TPD52: variants seen among roughly 807,000 people sequenced by gnomAD.
TPD52 encodes prostate and colon associated protein.
A neutral mutation model predicts 31.3 loss-of-function variants in TPD52; 17 were observed. The ratio of observed to expected loss-of-function variants is 0.54; its 90% confidence interval spans 0.37 to 0.82. The LOEUF (loss-of-function observed/expected upper bound fraction) is 0.82, where lower values mean the gene tolerates loss of function less well. Ranked by LOEUF, TPD52 falls within the 40% of genes least tolerant of loss-of-function variation. The pLI, the probability that TPD52 is intolerant of heterozygous loss-of-function variation, is 0.00. For missense variants in TPD52, 212 were observed against 240.1 expected (o/e 0.88, Z 0.77); for synonymous variants, 83 against 89.6 (o/e 0.93, Z 0.42).
intron 2 of TPD52, among the ~76,000 whole-genome samples, chr8:80,059,478 G>T (rs1394396192): frequency 6.6e-6 from 1 of 152,040 alleles, no homozygotes; most frequent in Non-Finnish European, 1.5e-5. Context: ...AGATAAAATG[G>T]ACAAGAGGAA....
intron 1 of TPD52, among the ~76,000 whole-genome samples, chr8:80,154,305 C>G (rs62516126): frequency 2.6e-5 from 4 of 152,036 alleles, no homozygotes; most frequent in Non-Finnish European, 5.9e-5. Context: ...GTGGAAGAGG[C>G]AGGCCCAGCC....
At chr8:80,058,430 T>A (rs1305146462) in intron 2 of TPD52, among the ~76,000 whole-genome samples, 1 of 152,228 alleles carries the variant, frequency 6.6e-6, no homozygotes, top group African/African-American at 2.4e-5. Flanking sequence ...CACAAGAGTA[T>A]ATTGGCATAA....
At chr8:80,047,793 C>T (rs1811012104) in intron 5 of TPD52, among the ~76,000 whole-genome samples, 1 of 152,046 alleles carries the variant, frequency 6.6e-6, no homozygotes. Context: ...TTAATGAGCC[C>T]AAACCAAATA....
intron 1 of TPD52, among the ~76,000 whole-genome samples, chr8:80,144,005 T>C (rs1174353966): frequency 1.3e-5 from 2 of 152,174 alleles, no homozygotes; most frequent in African/African-American, 4.8e-5. Context: ...TACTCTAAAA[T>C]TTAAATTTTT....
intron 7 of TPD52, among the ~76,000 whole-genome samples, chr8:80,040,189 T>C (rs1810243401): frequency 7.5e-6 from 1 of 133,278 alleles, no homozygotes; most frequent in African/African-American, 2.9e-5. Flanking sequence ...GCTATCCTTT[T>C]TTTTTTTTTT....
At chr8:80,071,921 C>T (rs1038348049) in intron 1 of TPD52, among the ~76,000 whole-genome samples, 7 of 152,184 alleles carry the variant, frequency 4.6e-5, no homozygotes, top group African/African-American at 7.2e-5. Flanking sequence ...CTCCCCAGCA[C>T]CTGCCCCATC....
In TPD52 at chr8:80,162,953, C is replaced by CAA. The variant is rs201782935; in HGVS notation, c.19+8470_19+8471dup. Among the ~76,000 whole-genome samples, 867 of 127,530 alleles carry CAA rather than the reference C, an allele frequency of 6.8e-3. 11 individuals are homozygous for CAA. Among genetic ancestry groups the CAA allele is most frequent in the African/African-American group, 0.022 (824 of 37,782 alleles). The allele number at this position is 127,530 out of a possible 152,430, so 83.7% of individuals were successfully genotyped here. ...AACACAACAAAACAAAACAAACAAA[C>CAA]AAACAAAAAAAACGGGAAATAACGA... is the stretch of plus-strand genomic sequence containing the variant. On this transcript the variant is annotated intron_variant, in intron 1 of 7. Coordinates refer to ENST00000518937, the MANE Select transcript of TPD52 (RefSeq NM_001025253.3).
intron 2 of TPD52, among the ~76,000 whole-genome samples, chr8:80,053,838 T>C (rs897040033): frequency 6.6e-5 from 10 of 152,212 alleles, no homozygotes; most frequent in Admixed American, 2.0e-4. Context: ...AAAACTTGTA[T>C]TTGTATACTA....
At chr8:80,143,711 G>A (rs891871432) in intron 1 of TPD52, among the ~76,000 whole-genome samples, 1 of 152,080 alleles carries the variant, frequency 6.6e-6, no homozygotes. Flanking sequence ...CTAGAACTTA[G>A]TATCACATAA....
downstream of TPD52, among the ~76,000 whole-genome samples, chr8:80,031,524 G>C (rs1809692639): frequency 6.6e-6 from 1 of 152,162 alleles, no homozygotes; most frequent in African/African-American, 2.4e-5. Flanking sequence ...TCAGGAGAAA[G>C]TGTGGTAAAT....
chr8:80,152,019 T>G (rs748951318), intron 1 of TPD52, among the ~76,000 whole-genome samples: 1 of 152,186 alleles, frequency 6.6e-6, no homozygotes, highest in Non-Finnish European at 1.5e-5. Context: ...GCTTTCAATA[T>G]AAACAAGAGC....
chr8:80,149,142 T>C (rs925568870), intron 1 of TPD52, among the ~76,000 whole-genome samples: 6 of 152,340 alleles, frequency 3.9e-5, no homozygotes, highest in Middle Eastern at 3.4e-3. Context: ...GAATTTCATC[T>C]TGAATTGCAG....
intron 1 of TPD52, among the ~76,000 whole-genome samples, chr8:80,102,824 G>C (rs1586303110): frequency 6.6e-6 from 1 of 152,160 alleles, no homozygotes; most frequent in African/African-American, 2.4e-5. Context: ...CTTGTTGGGA[G>C]GGGAGAGGGG....
At chr8:80,050,153 C>T (rs572155362) in intron 5 of TPD52, among the ~76,000 whole-genome samples, 12 of 152,164 alleles carry the variant, frequency 7.9e-5, no homozygotes, top group Non-Finnish European at 1.2e-4. Flanking sequence ...TTTTGCATGC[C>T]ATGGTAAAGC....
intron 1 of TPD52, among the ~76,000 whole-genome samples, chr8:80,083,237 T>C (rs1815466500): frequency 6.6e-6 from 1 of 151,500 alleles, no homozygotes; most frequent in Admixed American, 6.6e-5. Context: ...GAGTATAAGT[T>C]TTATAAAGAT....
At chr8:80,032,114 C>G (rs1053029669), downstream of TPD52, among the ~76,000 whole-genome samples, 70 of 143,190 alleles carry the variant, frequency 4.9e-4, no homozygotes, top group East Asian at 3.3e-3. Flanking sequence ...GATCACACCA[C>G]TGTTCTCCAG....
chr8:80,131,813 T>C (rs1390656814), intron 1 of TPD52, among the ~76,000 whole-genome samples: 4 of 152,098 alleles, frequency 2.6e-5, no homozygotes, highest in Non-Finnish European at 4.4e-5. Flanking sequence ...AAACTATTAA[T>C]AGATGTGGGT....
intron 1 of TPD52, among the ~76,000 whole-genome samples, chr8:80,108,592 C>G (rs1807292284): frequency 6.6e-6 from 1 of 152,134 alleles, no homozygotes; most frequent in Non-Finnish European, 1.5e-5. Context: ...AGAACTCTGA[C>G]AAGTACTCTG....
In TPD52 at chr8:80,143,673, C is replaced by T. The variant is rs1376900237; in HGVS notation, c.19+27752G>A. Among the ~76,000 whole-genome samples, 3 of 152,192 alleles carry T rather than the reference C, an allele frequency of 2.0e-5. No individual in the cohort carries two copies. In the East Asian group the frequency reaches 5.8e-4, roughly 29 times the overall value. ...AAAATGTCCATCATTTTAAAAGCGACCAACTGATCAATCAAAAATTATCAT... is the reference window on the plus strand; with the variant it reads ...AAAATGTCCATCATTTTAAAAGCGATCAACTGATCAATCAAAAATTATCAT... On this transcript the variant is annotated intron_variant, in intron 1 of 7. Transcript: ENST00000518937.
Sources: allele counts gnomAD v4.1 joint callset (sites outside exome capture counted in the v4.1 genomes callset), GRCh38; gene constraint gnomAD v4.1.1; transcripts MANE v1.5; gene names NCBI Gene and HGNC (gene_info 2026-07-23, HGNC 2026-07-21).